The following CHST9 variants were observed in gnomAD, a reference collection of about 807,000 sequenced individuals.
CHST9 encodes the protein carbohydrate sulfotransferase 9.
In CHST9, 41 loss-of-function variants were observed where a neutral mutation model predicts 44.4. That is an observed-to-expected ratio of 0.92 (90% CI 0.72 to 1.20). CHST9 has a LOEUF of 1.20. CHST9 is among the 50% of genes most tolerant of loss of function. The pLI is 0.00. For missense variants in CHST9, 504 were observed against 516.5 expected, an observed-to-expected ratio of 0.98 and a Z score of 0.23; for synonymous variants, 171 against 178.4, an observed-to-expected ratio of 0.96 and a Z score of 0.33.
intron 2 of CHST9, among the ~76,000 whole-genome samples, chr18:27,127,298 A>G (rs1169819638): frequency 6.6e-6 from 1 of 152,234 alleles, no homozygotes; most frequent in Non-Finnish European, 1.5e-5. Context: ...TCTGAAGAGC[A>G]AACTGAGAGT....
chr18:26,979,296 A>C (rs563878945), intron 4 of CHST9, among the ~76,000 whole-genome samples: 1 of 152,190 alleles, frequency 6.6e-6, no homozygotes, highest in African/African-American at 2.4e-5. Flanking sequence ...TGAGAAAAAC[A>C]TCACCCATAA....
chr18:26,919,430 A>G (rs2055604295), intron 5 of CHST9, among the ~76,000 whole-genome samples: 1 of 152,198 alleles, frequency 6.6e-6, no homozygotes, highest in South Asian at 2.1e-4. Flanking sequence ...GGTTTGACAG[A>G]CCATAGGGTT....
At chr18:26,925,162 A>G (rs1359349662) in intron 5 of CHST9, among the ~76,000 whole-genome samples, 1 of 152,168 alleles carries the variant, frequency 6.6e-6, no homozygotes, top group African/African-American at 2.4e-5. Flanking sequence ...GGAAAACATG[A>G]AAGAGGAATC....
At chr18:27,101,329 C>A (rs1436014619) in intron 2 of CHST9, among the ~76,000 whole-genome samples, 3 of 152,112 alleles carry the variant, frequency 2.0e-5, no homozygotes, top group African/African-American at 7.2e-5. Flanking sequence ...CGGTGACTCA[C>A]GCCTGTAATC....
At position 27,048,499 on chromosome 18, in the gene CHST9, T is replaced by A. The variant is rs1188282709; in HGVS notation, c.126A>T (p.Arg42Ser). 6 of 1,605,192 alleles carry A rather than the reference T, an allele frequency of 3.7e-6. No homozygotes were observed. The highest frequency in any genetic ancestry group is 5.1e-6 in the Non-Finnish European group (6 of 1,175,754). The change falls in exon 3 of 6, where the codon AGA becomes AGT. Residue 42 changes from arginine to serine, a missense_variant. Arg to Ser is a moderately radical substitution (Grantham distance 110). Coordinates refer to ENST00000618847, the MANE Select transcript of CHST9 (RefSeq NM_031422.6). Reference protein sequence around the residue: ...QVWIEEQHTGRVEKRREQKVT... With the variant: ...QVWIEEQHTGSVEKRREQKVT... ...CTTTTTGTTCTCTTCTCTTCTCCAC[T>A]CTCCCTGAAATGAGAAGTGGAAGAT...
intron 3 of CHST9, among the ~76,000 whole-genome samples, chr18:27,028,980 T>C (rs12953922): frequency 0.63 from 95,509 of 151,850 alleles, 30,250 homozygotes; most frequent in East Asian, 0.73. Context: ...AGGTATCCTA[T>C]CCAAGATTGC....
intron 4 of CHST9, among the ~76,000 whole-genome samples, chr18:27,020,834 C>T (rs1248814721): frequency 6.6e-6 from 1 of 152,150 alleles, no homozygotes; most frequent in African/African-American, 2.4e-5. Context: ...CTTGGCAGCT[C>T]TCTCTTGGGG....
At chr18:27,084,291 G>A (rs1036975634) in intron 2 of CHST9, among the ~76,000 whole-genome samples, 2 of 151,728 alleles carry the variant, frequency 1.3e-5, no homozygotes, top group Middle Eastern at 3.4e-3. Flanking sequence ...TTTTCTGGTC[G>A]GTAGGCATTT....
At chr18:27,147,865 T>G (rs568773228) in intron 1 of CHST9, 1 of 151,672 alleles carries the variant, frequency 6.6e-6, no homozygotes, top group Non-Finnish European at 1.5e-5. Flanking sequence ...CTATTTCTTT[T>G]TTTTTTTTTT....
intron 4 of CHST9, among the ~76,000 whole-genome samples, chr18:27,003,408 G>T (rs2056976043): frequency 6.6e-6 from 1 of 152,180 alleles, no homozygotes. Flanking sequence ...GTCGCTGGGT[G>T]AAGTGCAGCG....
chr18:27,122,716 GT>G (rs2058385440), intron 2 of CHST9, among the ~76,000 whole-genome samples: 2 of 152,188 alleles, frequency 1.3e-5, no homozygotes, highest in Admixed American at 1.3e-4. Context: ...AAGCAAAAGA[GT>G]ATAGGAAAAC....
At chr18:27,084,777 T>A (rs1390319753) in intron 2 of CHST9, among the ~76,000 whole-genome samples, 1 of 152,066 alleles carries the variant, frequency 6.6e-6, no homozygotes, top group African/African-American at 2.4e-5. Flanking sequence ...AACTTTTTGA[T>A]GTGGGCTTTT....
At chr18:26,998,339 T>C (rs2056909376) in intron 4 of CHST9, among the ~76,000 whole-genome samples, 1 of 152,178 alleles carries the variant, frequency 6.6e-6, no homozygotes, top group Non-Finnish European at 1.5e-5. Flanking sequence ...TAAACAGATA[T>C]TTAAAAATTT....
At chr18:26,932,358 T>C (rs1277077091) in intron 5 of CHST9, among the ~76,000 whole-genome samples, 1 of 152,250 alleles carries the variant, frequency 6.6e-6, no homozygotes, top group Non-Finnish European at 1.5e-5. Context: ...TTATCTTCAC[T>C]TCTGCCTCCA....
intron 2 of CHST9, among the ~76,000 whole-genome samples, chr18:27,126,889 T>G (rs986081695): frequency 6.6e-6 from 1 of 151,974 alleles, no homozygotes; most frequent in Non-Finnish European, 1.5e-5. Flanking sequence ...GCAGTAGTAA[T>G]GGGATAGAGA....
At chr18:27,149,599 C>CTTTTTTTTTTTTTTTT (rs60489244) in intron 1 of CHST9, among the ~76,000 whole-genome samples, 3 of 142,926 alleles carry the variant, frequency 2.1e-5, no homozygotes, top group Non-Finnish European at 4.5e-5. Flanking sequence ...CTATTTTCAG[C>CTTTTTTTTTTTTTTTT]TTTTTTTTTT....
intron 2 of CHST9, among the ~76,000 whole-genome samples, chr18:27,104,515 G>T (rs949131303): frequency 6.6e-6 from 1 of 152,154 alleles, no homozygotes; most frequent in Admixed American, 6.5e-5. Context: ...ATGCTGCTGG[G>T]AGACAAGTCA....
intron 4 of CHST9, among the ~76,000 whole-genome samples, chr18:26,969,714 T>C (rs1007421147): frequency 1.6e-4 from 25 of 152,016 alleles, no homozygotes; most frequent in African/African-American, 6.0e-4. Context: ...TAAATTAGGG[T>C]GATGAGCTAG....
intron 1 of CHST9, among the ~76,000 whole-genome samples, chr18:27,148,364 G>A (rs145708544): frequency 0.066 from 9,960 of 150,802 alleles, 428 homozygotes; most frequent in East Asian, 0.13. Context: ...CCATTAACTC[G>A]TCATTTAGCA....
Sources: allele counts gnomAD v4.1 joint callset (sites outside exome capture counted in the v4.1 genomes callset), GRCh38; gene constraint gnomAD v4.1.1; transcripts MANE v1.5; gene names NCBI Gene and HGNC (gene_info 2026-07-23, HGNC 2026-07-21).